Variants in SRGAP3 observed in about 807,000 individuals in gnomAD.
SRGAP3 encodes SLIT-ROBO Rho GTPase activating protein 3, also known as SLIT-ROBO Rho GTPase-activating protein 3.
In SRGAP3, 39 loss-of-function variants were observed where a neutral mutation model predicts 121.1. The observed-to-expected ratio is 0.32, with a 90% CI of 0.25 to 0.42. The LOEUF (loss-of-function observed/expected upper bound fraction) is 0.42. Ranked by LOEUF, SRGAP3 falls within the 10% of genes least tolerant of loss-of-function variation. The pLI, the probability that SRGAP3 is intolerant of heterozygous loss-of-function variation, is 1.00. For missense variants in SRGAP3, 1,213 were observed against 1,470.6 expected, an observed-to-expected ratio of 0.82 and a Z score of 2.86; for synonymous variants, 601 against 570.0, an observed-to-expected ratio of 1.05 and a Z score of -0.77.
rs1302091067 is a variant in SRGAP3, at chr3:9,053,071, T to C, written c.1279A>G (p.Lys427Glu). Residue 427 changes from lysine to glutamate, a missense_variant, in exon 9 of 22, where the codon AAG (lysine) becomes GAG (glutamate). Physicochemically the swap from Lys to Glu is moderately conservative, Grantham distance 56. Coordinates refer to ENST00000383836, the MANE Select transcript of SRGAP3 (RefSeq NM_014850.4). ...GTTTCCTGCTGGTTGGCTCTCCTCTTGGCAATGTTGATCTTGCTCATGTAG... is the reference window on the plus strand; with the variant it reads ...GTTTCCTGCTGGTTGGCTCTCCTCTCGGCAATGTTGATCTTGCTCATGTAG... ...ETYMSKINIAKRRANQQETEM... is the reference protein window; with the variant it reads ...ETYMSKINIAERRANQQETEM... 1 of 1,614,068 alleles carries C rather than the reference T, an allele frequency of 6.2e-7. No homozygotes were observed. The highest frequency in any genetic ancestry group is 8.5e-7 in the Non-Finnish European group (1 of 1,180,044).
At chr3:9,003,348 G>A (rs929791979) in intron 18 of SRGAP3, among the ~76,000 whole-genome samples, 7 of 151,962 alleles carry the variant, frequency 4.6e-5, no homozygotes, top group South Asian at 2.1e-4. Flanking sequence ...GTATGGTATC[G>A]GGCACCTGTA....
At chr3:9,244,663 G>A (rs1031922920) in intron 1 of SRGAP3, among the ~76,000 whole-genome samples, 9 of 152,126 alleles carry the variant, frequency 5.9e-5, no homozygotes, top group Admixed American at 2.6e-4. Flanking sequence ...CAAAAAGCTG[G>A]AGCCTGGCAA....
At chr3:9,150,041 C>T (rs775543214) in intron 1 of SRGAP3, among the ~76,000 whole-genome samples, 14 of 151,976 alleles carry the variant, frequency 9.2e-5, no homozygotes, top group Non-Finnish European at 1.3e-4. Flanking sequence ...AAACAGACCA[C>T]GAAGGAGGAC....
chr3:9,243,292 A>G (rs1360252445), intron 1 of SRGAP3, among the ~76,000 whole-genome samples: 2 of 152,048 alleles, frequency 1.3e-5, no homozygotes, highest in African/African-American at 4.8e-5. Context: ...GAGTAAAGGC[A>G]CAAATGGGAA....
intron 1 of SRGAP3, among the ~76,000 whole-genome samples, chr3:9,359,081 G>T (rs758578699): frequency 6.6e-6 from 1 of 152,092 alleles, no homozygotes; most frequent in African/African-American, 2.4e-5. Flanking sequence ...TATGGTGGGG[G>T]GATATAAATT....
At chr3:9,071,537 T>G (rs371338893) in intron 4 of SRGAP3, among the ~76,000 whole-genome samples, 32 of 152,168 alleles carry the variant, frequency 2.1e-4, no homozygotes, top group African/African-American at 7.5e-4. Flanking sequence ...GAATTTGCAG[T>G]GCTAGGGACC....
At chr3:8,999,259 G>A (rs1254839021) in intron 18 of SRGAP3, among the ~76,000 whole-genome samples, 1 of 152,204 alleles carries the variant, frequency 6.6e-6, no homozygotes, top group African/African-American at 2.4e-5. Context: ...TGGAGGGATT[G>A]GAGGGGAGAG....
At chr3:9,071,380 C>T (rs935981308) in intron 4 of SRGAP3, among the ~76,000 whole-genome samples, 4 of 152,180 alleles carry the variant, frequency 2.6e-5, no homozygotes, top group African/African-American at 7.2e-5. Flanking sequence ...GCATGAGACC[C>T]TGGCCTGGCC....
chr3:9,282,468 TTATGA>T (rs746235355), intron 3 of SRGAP3, among the ~76,000 whole-genome samples: 3 of 151,752 alleles, frequency 2.0e-5, no homozygotes, highest in African/African-American at 4.9e-5. Context: ...ATTCAAGCTG[TTATGA>T]TATATTTGTT....
At chr3:9,015,206 T>C (rs1043065563) in intron 15 of SRGAP3, among the ~76,000 whole-genome samples, 1 of 152,104 alleles carries the variant, frequency 6.6e-6, no homozygotes, top group African/African-American at 2.4e-5. Flanking sequence ...TGCTCCATTT[T>C]CCCCTTCCAA....
At chr3:9,329,907 C>T (rs1009793237) in intron 2 of SRGAP3, among the ~76,000 whole-genome samples, 6 of 152,186 alleles carry the variant, frequency 3.9e-5, no homozygotes, top group African/African-American at 1.4e-4. Context: ...CCCACAGTGC[C>T]AAACCCGTTC....
rs1941419187 is a variant in SRGAP3, at chr3:8,981,638, G to A, written c.*3881C>T. ...CACTCCAAGGGACTCCAACAGAGAA[G>A]AAAGCCCCACATAAAGGCCCCTTCC... On this transcript the variant is annotated 3_prime_UTR_variant, in exon 22 of 22. Coordinates refer to ENST00000383836, the MANE Select transcript of SRGAP3 (RefSeq NM_014850.4). The A allele has an allele frequency of 4.3e-6, 1 of 232,540 alleles. No individual in the cohort carries two copies. The highest frequency in any genetic ancestry group is 2.2e-5 in the African/African-American group (1 of 45,282). 14.4% of individuals were successfully genotyped at this position (232,540 alleles called of 1,614,324 possible).
At chr3:9,346,658 G>A (rs1038919827) in intron 1 of SRGAP3, among the ~76,000 whole-genome samples, 5 of 151,970 alleles carry the variant, frequency 3.3e-5, no homozygotes, top group East Asian at 1.9e-4. Flanking sequence ...TACTACATTG[G>A]CTAACTCCTA....
At chr3:9,103,326 A>G (rs1480223357) in intron 3 of SRGAP3, among the ~76,000 whole-genome samples, 1 of 152,214 alleles carries the variant, frequency 6.6e-6, no homozygotes, top group East Asian at 1.9e-4. Flanking sequence ...TCTTTTGGTA[A>G]TAATAGTCTC....
intron 1 of SRGAP3, among the ~76,000 whole-genome samples, chr3:9,171,243 A>C (rs1950966040): frequency 1.3e-5 from 2 of 152,276 alleles, no homozygotes; most frequent in Non-Finnish European, 2.9e-5. Flanking sequence ...CCCCAGGCAG[A>C]GGCCAAGCTG....
intron 1 of SRGAP3, among the ~76,000 whole-genome samples, chr3:9,357,539 G>A (rs545923628): frequency 1.3e-5 from 2 of 151,158 alleles, no homozygotes; most frequent in East Asian, 3.9e-4. Context: ...ACCATACCTG[G>A]CTTGATAATT....
chr3:9,356,192 C>CTTTTT (rs929664300), intron 1 of SRGAP3, among the ~76,000 whole-genome samples: 1 of 122,298 alleles, frequency 8.2e-6, no homozygotes, highest in Non-Finnish European at 1.8e-5. Flanking sequence ...ACTTTTTTTT[C>CTTTTT]TTTTTTTTTT....
At chr3:9,009,505 A>G (rs1409757188) in intron 18 of SRGAP3, among the ~76,000 whole-genome samples, 1 of 152,174 alleles carries the variant, frequency 6.6e-6, no homozygotes, top group Non-Finnish European at 1.5e-5. Context: ...TCCAGACTGG[A>G]TATTGTGTTC....
At chr3:9,296,870 C>T (rs937573957) in intron 3 of SRGAP3, among the ~76,000 whole-genome samples, 2 of 152,104 alleles carry the variant, frequency 1.3e-5, no homozygotes, top group African/African-American at 4.8e-5. Flanking sequence ...GCCACCTCTA[C>T]CACCTTTAGT....
Sources: allele counts gnomAD v4.1 joint callset (sites outside exome capture counted in the v4.1 genomes callset), GRCh38; gene constraint gnomAD v4.1.1; transcripts MANE v1.5; gene names NCBI Gene and HGNC (gene_info 2026-07-23, HGNC 2026-07-21).